ESF1: variants seen among roughly 807,000 people sequenced by gnomAD.
ESF1 encodes ESF1 homolog.
Under a neutral mutation model 92.0 loss-of-function variants are expected in ESF1, and 58 were observed. That is an observed-to-expected ratio of 0.63 (90% CI 0.51 to 0.78). The LOEUF is 0.78. ESF1 is among the 30% of genes least tolerant of loss of function. The pLI, the probability that ESF1 is intolerant of heterozygous loss-of-function variation, is 0.00. For missense variants in ESF1, 922 were observed against 989.1 expected, an observed-to-expected ratio of 0.93 and a Z score of 0.91; for synonymous variants, 321 against 313.7, an observed-to-expected ratio of 1.02 and a Z score of -0.24.
At chr20:13,784,349 C>CT (rs1035149512) in intron 1 of ESF1, among the ~76,000 whole-genome samples, 4 of 147,990 alleles carry the variant, frequency 2.7e-5, no homozygotes, top group African/African-American at 9.9e-5. Context: ...TTTAATTACA[C>CT]TAACTAGGAA....
intron 9 of ESF1, among the ~76,000 whole-genome samples, chr20:13,744,087 A>C (rs1482996744): frequency 1.3e-5 from 2 of 152,230 alleles, no homozygotes; most frequent in African/African-American, 2.4e-5. Flanking sequence ...ACAAACAAAC[A>C]AACCAATCAA....
chr20:13,772,663 C>A, intron 4 of ESF1, 48 bp from the exon 5 acceptor site: 1 of 1,336,460 alleles, frequency 7.5e-7, no homozygotes, highest in South Asian at 1.2e-5. Context: ...TTCCTTTACA[C>A]AAATATCTAG....
At position 13,733,790 on chromosome 20, in the gene ESF1, A is replaced by T. The variant is rs948594876; in HGVS notation, c.1881T>A (p.Asp627Glu). 3.1e-6 allele frequency: 5 copies of T among 1,612,960 alleles called. No individual in the cohort carries two copies. The African/African-American group carries it at 6.7e-5, about 22-fold the overall frequency. ...AAAATTGTTCCCAAGGGGTCAGTTT[A>T]TCCTTTCCTTCCAATTTGTTTTTGA... is the stretch of plus-strand genomic sequence containing the variant. ...EMVKNKLEGK[D>E]KLTPWEQFLE... The change falls in exon 10 of 14, where the codon GAT (aspartate) becomes GAA (glutamate). Residue 627 changes from aspartate to glutamate, a missense_variant. Transcript: ENST00000617257.
chr20:13,776,320 T>C, intron 2 of ESF1, 50 bp from the exon 3 acceptor site: 1 of 1,508,830 alleles, frequency 6.6e-7, no homozygotes, highest in Non-Finnish European at 8.9e-7. Context: ...TATGCTGAAT[T>C]AAACTGAATC....
chr20:13,720,613 T>C (rs1175005677), intron 11 of ESF1, among the ~76,000 whole-genome samples: 1 of 152,140 alleles, frequency 6.6e-6, no homozygotes, highest in East Asian at 1.9e-4. Context: ...GGGGGAAGTG[T>C]ATATGGTATC....
intron 13 of ESF1, 147 bp downstream of exon 13, chr20:13,717,221 A>G: frequency 1.1e-6 from 1 of 952,104 alleles, no homozygotes; most frequent in Non-Finnish European, 1.6e-6. Flanking sequence ...GCCTCCAAAA[A>G]AGTGTTGGGA....
At chr20:13,781,042 A>G (rs1434594947) in intron 2 of ESF1, among the ~76,000 whole-genome samples, 2 of 152,228 alleles carry the variant, frequency 1.3e-5, no homozygotes, top group Non-Finnish European at 2.9e-5. Flanking sequence ...ACCCCAAAGT[A>G]GTGCGTCCCC....
At chr20:13,766,746 C>T (rs1314868897) in intron 8 of ESF1, 31 bp downstream of exon 8, 1 of 1,608,334 alleles carries the variant, frequency 6.2e-7, no homozygotes, top group African/African-American at 1.3e-5. Flanking sequence ...AGACCTATGT[C>T]CATTAATGGT....
rs1979683463 is a variant in ESF1, at chr20:13,771,503, T to A, written c.1251-20A>T. On this transcript the variant is annotated intron_variant, in intron 5 of 13. Coordinates refer to ENST00000617257, the MANE Select transcript of ESF1 (RefSeq NM_001276380.2). The stretch of plus-strand genomic sequence containing the variant: ...GACGTCCTAAAGTGGGAAAAACTTA[T>A]TAAGCATACTTATACAGAAACACAA... 2 of 1,594,498 alleles carry A rather than the reference T, an allele frequency of 1.3e-6. No homozygotes were observed. The highest frequency in any genetic ancestry group is 8.6e-7 in the Non-Finnish European group (1 of 1,168,540).
intron 2 of ESF1, among the ~76,000 whole-genome samples, chr20:13,777,881 TA>T (rs1274445491): frequency 6.6e-6 from 1 of 152,240 alleles, no homozygotes. Context: ...AAATTGGAAC[TA>T]ATTTTCTCTT....
Position 13,771,416 on chromosome 20 carries a change from A to T in ESF1, c.1318T>A (p.Cys440Ser). ...TTACTAGCTGTTTCCGGAGAATCAC[A>T]GTCTACTACTGCATAATAGTACTTC... ...RLKYYYAVVD[C>S]DSPETASKIY... The change falls in exon 6 of 14, where the codon TGT (cysteine) becomes AGT (serine). Residue 440 changes from cysteine to serine, a missense_variant. Cys to Ser is a moderately radical substitution (Grantham distance 112). Coordinates refer to ENST00000617257, the MANE Select transcript of ESF1 (RefSeq NM_001276380.2). 1.2e-6 allele frequency: 2 copies of T among 1,612,796 alleles called. No individual in the cohort carries two copies. The highest frequency in any genetic ancestry group is 1.7e-6 in the Non-Finnish European group (2 of 1,179,014).
At chr20:13,730,735 G>GTAAA (rs1272718567) in intron 10 of ESF1, among the ~76,000 whole-genome samples, 4 of 151,118 alleles carry the variant, frequency 2.6e-5, no homozygotes, top group African/African-American at 7.3e-5. Context: ...CTATTTTATG[G>GTAAA]ATTCAGCAGT....
chr20:13,726,971 A>G (rs2049904461), intron 11 of ESF1, among the ~76,000 whole-genome samples: 1 of 152,242 alleles, frequency 6.6e-6, no homozygotes, highest in Non-Finnish European at 1.5e-5. Flanking sequence ...AGCAAATTTT[A>G]TCTATACCTT....
At chr20:13,738,588 T>A (rs1042517129) in intron 9 of ESF1, among the ~76,000 whole-genome samples, 3 of 152,248 alleles carry the variant, frequency 2.0e-5, no homozygotes, top group Non-Finnish European at 2.9e-5. Flanking sequence ...GTGCTGGGAT[T>A]ACGGTCATGA....
chr20:13,757,707 T>C (rs1978963587), intron 9 of ESF1, among the ~76,000 whole-genome samples: 1 of 152,174 alleles, frequency 6.6e-6, no homozygotes, highest in African/African-American at 2.4e-5. Context: ...CCCGGTTTCA[T>C]AATTATGTTA....
chr20:13,766,640 TA>T (rs1382006889), intron 8 of ESF1, 136 bp downstream of exon 8: 5 of 749,246 alleles, frequency 6.7e-6, no homozygotes, highest in African/African-American at 5.3e-5. Flanking sequence ...AATTTTTTTT[TA>T]AAAAAATCAA....
chr20:13,756,104 T>TA (rs1251954167), intron 9 of ESF1, among the ~76,000 whole-genome samples: 2 of 152,218 alleles, frequency 1.3e-5, no homozygotes, highest in Non-Finnish European at 2.9e-5. Flanking sequence ...TTCACTGAAA[T>TA]ACACGTCATG....
At position 13,732,181 on chromosome 20, in the gene ESF1, A is replaced by G. The variant is rs114731353; in HGVS notation, c.1950+1540T>C. ...GGCAGTCTTGGGGACCGAGCCCCCA[A>G]TCTATGGGATCTGACACTATCTCCA... On this transcript the variant is annotated intron_variant, in intron 10 of 13. Transcript: ENST00000617257. Among the ~76,000 whole-genome samples the G allele has an allele frequency of 5.6e-3, 853 of 152,252 alleles. 11 individuals are homozygous for G. Among genetic ancestry groups the G allele is most frequent in the African/African-American group, 0.02 (822 of 41,554 alleles).
chr20:13,729,526 G>C (rs758260401), intron 10 of ESF1, among the ~76,000 whole-genome samples: 4 of 152,216 alleles, frequency 2.6e-5, no homozygotes, highest in Non-Finnish European at 5.9e-5. Context: ...TGGGTGATCA[G>C]TGATGGGAGG....
Sources: gnomAD v4.1 joint callset for allele counts (sites outside exome capture counted in the v4.1 genomes callset) on GRCh38, gnomAD v4.1.1 for gene constraint, MANE v1.5 for transcripts, NCBI Gene and HGNC (gene_info 2026-07-23, HGNC 2026-07-21) for gene names.